GKAP1: variants seen among roughly 807,000 people sequenced by gnomAD.
GKAP1 encodes G kinase anchoring protein 1, also known as G kinase-anchoring protein 1.
GKAP1 carries 31 observed loss-of-function variants against 56.7 expected under a neutral mutation model. That is an observed-to-expected ratio of 0.55 (90% confidence interval 0.41 to 0.74). GKAP1 has a LOEUF of 0.74. GKAP1 is among the 30% of genes least tolerant of loss of function. The pLI is 0.00. For missense variants in GKAP1, 364 were observed against 402.3 expected (o/e 0.90, Z 0.82); for synonymous variants, 151 against 138.6 (o/e 1.09, Z -0.63).
chr9:83,747,797 T>C lies in GKAP1; in HGVS notation c.904+512A>G, dbSNP rs554154875. Among the ~76,000 whole-genome samples, 7 of 152,186 alleles carry C rather than the reference T, an allele frequency of 4.6e-5. No homozygotes were observed. The South Asian group carries it at 1.0e-3, about 23-fold the overall frequency. On this transcript the variant is annotated intron_variant, in intron 10 of 12. Coordinates refer to ENST00000376371, the MANE Select transcript of GKAP1 (RefSeq NM_025211.4). The stretch of plus-strand genomic sequence containing the variant: ...GATTACAGGTGTGCACTACCACACC[T>C]GGCTACTTTTCGTATTTTTAGTAGA...
In GKAP1 at chr9:83,812,359, A is replaced by T. The variant is rs188265122; in HGVS notation, c.-44+4637T>A. 5.8e-3 allele frequency among the ~76,000 whole-genome samples: 852 copies of T among 146,734 alleles called. 6 individuals carry two copies. Among genetic ancestry groups the T allele is most frequent in the Admixed American group, 9.0e-3 (132 of 14,604 alleles). On this transcript the variant is annotated intron_variant, in intron 2 of 12. Coordinates refer to ENST00000376371, the MANE Select transcript of GKAP1 (RefSeq NM_025211.4). Reference sequence around the variant, plus strand: ...TATATATACACGTATATATATATATATTTTTTTTTAGACAGGGTCTTACTC... The same window carrying T: ...TATATATACACGTATATATATATATTTTTTTTTTTAGACAGGGTCTTACTC...
At chr9:83,753,123 A>T (rs1943420830) in intron 9 of GKAP1, 135 bp downstream of exon 9, 6 of 585,274 alleles carry the variant, frequency 1.0e-5, no homozygotes, top group Non-Finnish European at 1.8e-5. Flanking sequence ...TTAAACCATT[A>T]AAGAGTTTAA....
chr9:83,805,742 T>C (rs1944428690), intron 3 of GKAP1, among the ~76,000 whole-genome samples: 1 of 152,204 alleles, frequency 6.6e-6, no homozygotes, highest in African/African-American at 2.4e-5. Flanking sequence ...TATCTATAAA[T>C]GACCTGTTTC....
chr9:83,799,158 A>C, intron 4 of GKAP1, 27 bp downstream of exon 4: 1 of 1,605,964 alleles, frequency 6.2e-7, no homozygotes, highest in Non-Finnish European at 8.5e-7. Flanking sequence ...AATGAAAAAC[A>C]AAGCAATTTT....
intron 8 of GKAP1, among the ~76,000 whole-genome samples, chr9:83,757,948 T>A (rs1251567245): frequency 6.6e-6 from 1 of 151,930 alleles, no homozygotes; most frequent in Non-Finnish European, 1.5e-5. Context: ...AGGAAGATGA[T>A]GAGCCTGGGT....
At chr9:83,804,910 C>T (rs1944412418) in intron 3 of GKAP1, among the ~76,000 whole-genome samples, 1 of 151,704 alleles carries the variant, frequency 6.6e-6, no homozygotes, top group Non-Finnish European at 1.5e-5. Context: ...TCTGCCCGGC[C>T]GCCCCTACTG....
Position 83,779,559 on chromosome 9 carries a change from GTATA to G in GKAP1, c.585+819_585+822del, listed in dbSNP as rs1164947274. On this transcript the variant is annotated intron_variant, in intron 7 of 12. Coordinates refer to ENST00000376371, the MANE Select transcript of GKAP1 (RefSeq NM_025211.4). ...TGTATATATATACACGTGTATATGT[GTATA>G]TATATACACACATATATATACACGT... Among the ~76,000 whole-genome samples, 7 of 108,468 alleles carry G rather than the reference GTATA, an allele frequency of 6.5e-5. 1 individual carries two copies. The highest frequency in any genetic ancestry group is 1.0e-4 in the Non-Finnish European group (6 of 57,378). 71.2% of individuals were successfully genotyped at this position (108,468 alleles called of 152,430 possible). A position where few individuals can be genotyped will look rare whatever the true frequency, so the allele number is the denominator to read the frequency against.
At chr9:83,744,936 G>A (rs1448914866) in intron 10 of GKAP1, among the ~76,000 whole-genome samples, 1 of 152,104 alleles carries the variant, frequency 6.6e-6, no homozygotes, top group African/African-American at 2.4e-5. Context: ...ACTAACATGA[G>A]AATAGCATGG....
At chr9:83,769,027 T>C in intron 7 of GKAP1, 57 bp from the exon 8 acceptor site, 1 of 1,364,698 alleles carries the variant, frequency 7.3e-7, no homozygotes, top group Non-Finnish European at 1.0e-6. Context: ...ATGCATTTAA[T>C]ACACCTAGTC....
At chr9:83,792,839 C>T (rs948133485) in intron 4 of GKAP1, 3 of 209,352 alleles carry the variant, frequency 1.4e-5, no homozygotes, top group South Asian at 1.1e-4. Context: ...TTTAAGTTTG[C>T]GAATGGGAAG....
intron 7 of GKAP1, among the ~76,000 whole-genome samples, chr9:83,770,136 C>T (rs1054302199): frequency 5.3e-5 from 8 of 152,116 alleles, no homozygotes; most frequent in Admixed American, 4.6e-4. Context: ...ACATTTACTA[C>T]CATTTCATGG....
intron 2 of GKAP1, among the ~76,000 whole-genome samples, chr9:83,807,680 T>C (rs911734227): frequency 6.6e-6 from 1 of 152,242 alleles, no homozygotes; most frequent in African/African-American, 2.4e-5. Flanking sequence ...TATAGTTCTA[T>C]TCTATGCCTT....
At chr9:83,806,981 G>T (rs536313432) in intron 2 of GKAP1, among the ~76,000 whole-genome samples, 1 of 152,260 alleles carries the variant, frequency 6.6e-6, no homozygotes, top group African/African-American at 2.4e-5. Context: ...AAGAAAAAAA[G>T]GAGTAAAGAC....
At position 83,739,610 on chromosome 9, in the gene GKAP1, T is replaced by G; in HGVS notation, c.*87A>C. 5.1e-6 allele frequency: 5 copies of G among 984,218 alleles called. No individual in the cohort carries two copies. The highest frequency in any genetic ancestry group is 7.6e-6 in the Non-Finnish European group (5 of 657,412). The allele number at this position is 984,218 out of a possible 1,614,324, so 61.0% of individuals were successfully genotyped here. A position where few individuals can be genotyped will look rare whatever the true frequency, so the allele number is the denominator to read the frequency against. Reference sequence around the variant, plus strand: ...AGTTCCTTCAAGAAAAACTGCATAGTTTAGCAGTTGCACAGCATTAAATAT... The same window carrying G: ...AGTTCCTTCAAGAAAAACTGCATAGGTTAGCAGTTGCACAGCATTAAATAT... On this transcript the variant is annotated 3_prime_UTR_variant, in exon 13 of 13. Transcript: ENST00000376371.
At chr9:83,804,157 T>G (rs1280702453) in intron 3 of GKAP1, among the ~76,000 whole-genome samples, 2 of 146,048 alleles carry the variant, frequency 1.4e-5, no homozygotes, top group Non-Finnish European at 3.0e-5. Flanking sequence ...AGCCGCCCCG[T>G]CTGGGAGGTG....
rs4750 is a variant in GKAP1, at chr9:83,739,596, G to C, written c.*101C>G. ...AGCTAGTTGCTTTTAGTTCCTTCAA[G>C]AAAAACTGCATAGTTTAGCAGTTGC... is the stretch of plus-strand genomic sequence containing the variant. On this transcript the variant is annotated 3_prime_UTR_variant, in exon 13 of 13. Coordinates refer to ENST00000376371, the MANE Select transcript of GKAP1 (RefSeq NM_025211.4). 0.59 allele frequency: 498,724 copies of C among 848,112 alleles called. 148,801 individuals carry two copies. Among genetic ancestry groups the C allele is most frequent in the Admixed American group, 0.73 (26,750 of 36,858 alleles). The allele number at this position is 848,112 out of a possible 1,614,324, so 52.5% of individuals were successfully genotyped here. A position where few individuals can be genotyped will look rare whatever the true frequency, so the allele number is the denominator to read the frequency against.
chr9:83,781,384 G>A (rs1943968906), intron 6 of GKAP1, among the ~76,000 whole-genome samples: 1 of 152,078 alleles, frequency 6.6e-6, no homozygotes, highest in Non-Finnish European at 1.5e-5. Context: ...CAAATAGTGG[G>A]CAAGTATTCT....
intron 7 of GKAP1, among the ~76,000 whole-genome samples, chr9:83,774,702 C>CTTTTTT (rs1168792305): frequency 2.9e-5 from 3 of 104,902 alleles, no homozygotes; most frequent in African/African-American, 7.3e-5. Context: ...CAGAAACCCC[C>CTTTTTT]TTTTTTTTTT....
At chr9:83,810,991 GGTAA>G (rs768527473) in intron 2 of GKAP1, among the ~76,000 whole-genome samples, 4 of 152,030 alleles carry the variant, frequency 2.6e-5, no homozygotes, top group Non-Finnish European at 4.4e-5. Context: ...GTAACACAAT[GGTAA>G]GTATTTGTAT....
Sources: allele counts gnomAD v4.1 joint callset (sites outside exome capture counted in the v4.1 genomes callset), GRCh38; gene constraint gnomAD v4.1.1; transcripts MANE v1.5; gene names NCBI Gene and HGNC (gene_info 2026-07-23, HGNC 2026-07-21).